The following KLHL1 variants were observed in gnomAD, a reference collection of about 807,000 sequenced individuals.
KLHL1 encodes the protein kelch-like protein 1.
A neutral mutation model predicts 77.7 loss-of-function variants in KLHL1; 47 were observed. The observed-to-expected ratio is 0.60, with a 90% CI of 0.48 to 0.77. The LOEUF (loss-of-function observed/expected upper bound fraction) is 0.77. Among genes scored for constraint, KLHL1 ranks in the 30% least tolerant of loss-of-function variants. The pLI, the probability that KLHL1 is intolerant of heterozygous loss-of-function variation, is 0.00. For synonymous variants in KLHL1, 360 were observed against 325.2 expected, an observed-to-expected ratio of 1.11 and a Z score of -1.15; for missense variants, 925 against 910.8, an observed-to-expected ratio of 1.02 and a Z score of -0.20.
At chr13:69,964,549 T>C (rs914914982) in intron 2 of KLHL1, among the ~76,000 whole-genome samples, 2 of 152,108 alleles carry the variant, frequency 1.3e-5, no homozygotes, top group African/African-American at 4.8e-5. Flanking sequence ...TTTTGAAAAT[T>C]ATCTGCAAAT....
At chr13:69,951,251 C>A (rs1423375422) in intron 3 of KLHL1, among the ~76,000 whole-genome samples, 1 of 151,376 alleles carries the variant, frequency 6.6e-6, no homozygotes, top group Non-Finnish European at 1.5e-5. Flanking sequence ...GCCTTATACA[C>A]CATGGATATT....
chr13:69,921,414 G>A (rs1020879452), intron 4 of KLHL1, among the ~76,000 whole-genome samples: 2 of 152,182 alleles, frequency 1.3e-5, no homozygotes, highest in African/African-American at 4.8e-5. Flanking sequence ...CTATATAAAT[G>A]TTGTCAGATA....
intron 9 of KLHL1, among the ~76,000 whole-genome samples, chr13:69,715,479 C>A (rs1876076261): frequency 6.6e-6 from 1 of 151,462 alleles, no homozygotes; most frequent in Non-Finnish European, 1.5e-5. Context: ...GTCAATTATA[C>A]CTCTTTTCTT....
chr13:70,058,184 A>G (rs574809945), intron 1 of KLHL1, among the ~76,000 whole-genome samples: 29 of 152,342 alleles, frequency 1.9e-4, no homozygotes, highest in Middle Eastern at 3.4e-3. Flanking sequence ...GGAACAAGAC[A>G]ACAATGCCAA....
intron 1 of KLHL1, among the ~76,000 whole-genome samples, chr13:69,995,215 T>C (rs1274168618): frequency 6.6e-6 from 1 of 152,158 alleles, no homozygotes; most frequent in Non-Finnish European, 1.5e-5. Flanking sequence ...CACTATTATT[T>C]ACTATCTGGT....
At chr13:69,702,570 G>A (rs973032934) in intron 10 of KLHL1, among the ~76,000 whole-genome samples, 1 of 151,538 alleles carries the variant, frequency 6.6e-6, no homozygotes, top group African/African-American at 2.4e-5. Context: ...AATAGCTGCA[G>A]ACAAAGTAGC....
intron 7 of KLHL1, among the ~76,000 whole-genome samples, chr13:69,793,496 A>T (rs200326251): frequency 3.5e-3 from 17 of 4,902 alleles, no homozygotes; most frequent in African/African-American, 0.012. Context: ...AAAATCATGT[A>T]AGTTTTTTTT....
At chr13:69,704,163 C>A (rs1017258763) in intron 10 of KLHL1, among the ~76,000 whole-genome samples, 1 of 151,090 alleles carries the variant, frequency 6.6e-6, no homozygotes, top group Non-Finnish European at 1.5e-5. Flanking sequence ...TGTATGTGTG[C>A]ATGTGAAAAT....
At chr13:69,879,204 T>A (rs974019638) in intron 5 of KLHL1, among the ~76,000 whole-genome samples, 5 of 152,020 alleles carry the variant, frequency 3.3e-5, no homozygotes, top group Admixed American at 2.6e-4. Context: ...TAAAGTATAA[T>A]AAAAAATATA....
intron 5 of KLHL1, among the ~76,000 whole-genome samples, chr13:69,867,624 G>C (rs1188806069): frequency 6.6e-6 from 1 of 151,572 alleles, no homozygotes; most frequent in Non-Finnish European, 1.5e-5. Flanking sequence ...ACTTAAAAAT[G>C]TATTTATTAA....
At chr13:69,781,020 T>C (rs1053835365) in intron 7 of KLHL1, among the ~76,000 whole-genome samples, 1 of 151,542 alleles carries the variant, frequency 6.6e-6, no homozygotes, top group Non-Finnish European at 1.5e-5. Context: ...TCCAGCATAA[T>C]ATATCAGACC....
At chr13:70,095,787 C>G (rs958141175) in intron 1 of KLHL1, among the ~76,000 whole-genome samples, 9 of 151,978 alleles carry the variant, frequency 5.9e-5, no homozygotes, top group African/African-American at 2.2e-4. Context: ...TTCCTTCTAT[C>G]TAACTGTATT....
intron 6 of KLHL1, among the ~76,000 whole-genome samples, chr13:69,798,567 A>G (rs993817344): frequency 6.6e-6 from 1 of 152,028 alleles, no homozygotes; most frequent in African/African-American, 2.4e-5. Context: ...AAAGTTATTC[A>G]ATACTGTTTA....
At chr13:69,951,783 A>G (rs1883719657) in intron 3 of KLHL1, among the ~76,000 whole-genome samples, 1 of 151,258 alleles carries the variant, frequency 6.6e-6, no homozygotes, top group African/African-American at 2.4e-5. Context: ...CACCACTTTT[A>G]TTTTCTGACT....
chr13:69,880,778 T>C (rs1880958676), intron 5 of KLHL1, among the ~76,000 whole-genome samples: 3 of 152,128 alleles, frequency 2.0e-5, no homozygotes, highest in African/African-American at 7.2e-5. Context: ...CCTACTCTAA[T>C]ATGTGTCCTA....
chr13:70,016,924 G>A (rs1885673501), intron 1 of KLHL1, among the ~76,000 whole-genome samples: 1 of 152,078 alleles, frequency 6.6e-6, no homozygotes, highest in East Asian at 1.9e-4. Flanking sequence ...GACTCAGCTG[G>A]ACTCACACAG....
At chr13:69,973,736 T>A (rs1352123070) in intron 2 of KLHL1, among the ~76,000 whole-genome samples, 1 of 152,024 alleles carries the variant, frequency 6.6e-6, no homozygotes, top group East Asian at 1.9e-4. Flanking sequence ...CGTCACACAA[T>A]ATTTATTTGT....
intron 5 of KLHL1, among the ~76,000 whole-genome samples, chr13:69,878,591 A>C (rs1387931249): frequency 6.6e-6 from 1 of 152,070 alleles, no homozygotes; most frequent in African/African-American, 2.4e-5. Flanking sequence ...GCTATATATT[A>C]AATAAGCAAT....
At chr13:69,833,644 G>C (rs1381145865) in intron 6 of KLHL1, among the ~76,000 whole-genome samples, 1 of 151,532 alleles carries the variant, frequency 6.6e-6, no homozygotes, top group African/African-American at 2.4e-5. Context: ...ATATGAAAAA[G>C]ACATTTGCAC....
Sources: allele counts gnomAD v4.1 joint callset (sites outside exome capture counted in the v4.1 genomes callset), GRCh38; gene constraint gnomAD v4.1.1; transcripts MANE v1.5; gene names NCBI Gene and HGNC (gene_info 2026-07-23, HGNC 2026-07-21).